The following ATP8A2 variants were observed in gnomAD, a reference collection of about 807,000 sequenced individuals.
ATP8A2 encodes phospholipid-transporting ATPase IB.
Under a neutral mutation model 165.6 loss-of-function variants are expected in ATP8A2, and 100 were observed. The ratio of observed to expected loss-of-function variants is 0.60; its 90% CI spans 0.51 to 0.71. The LOEUF is 0.71. Among genes scored for constraint, ATP8A2 ranks in the 30% least tolerant of loss-of-function variants. The pLI is 0.00. For missense variants in ATP8A2, 1,227 were observed against 1,479.5 expected, an observed-to-expected ratio of 0.83 and a Z score of 2.80; for synonymous variants, 543 against 548.8, an observed-to-expected ratio of 0.99 and a Z score of 0.15.
chr13:25,837,368 A>G, intron 29 of ATP8A2, 83 bp downstream of exon 29: 3 of 1,508,058 alleles, frequency 2.0e-6, no homozygotes, highest in Non-Finnish European at 2.7e-6. Flanking sequence ...AGATAGTTGA[A>G]GCTTGAGAAA....
intron 1 of ATP8A2, among the ~76,000 whole-genome samples, chr13:25,379,275 GA>G (rs2032751168): frequency 6.6e-6 from 1 of 152,170 alleles, no homozygotes; most frequent in Non-Finnish European, 1.5e-5. Flanking sequence ...AGGATCCCAG[GA>G]TTACTGTAAA....
intron 15 of ATP8A2, among the ~76,000 whole-genome samples, chr13:25,563,663 A>T (rs1169967815): frequency 4.6e-5 from 7 of 152,124 alleles, no homozygotes; most frequent in Non-Finnish European, 1.5e-5. Context: ...GGCCAACTGA[A>T]ATGCCAGCCA....
At chr13:25,478,147 T>G (rs2036047079) in intron 2 of ATP8A2, among the ~76,000 whole-genome samples, 1 of 151,948 alleles carries the variant, frequency 6.6e-6, no homozygotes, top group African/African-American at 2.4e-5. Flanking sequence ...TTGTGATGAG[T>G]AGATGGGAAA....
chr13:25,989,530 T>G (rs760507063), intron 35 of ATP8A2, among the ~76,000 whole-genome samples: 38 of 152,342 alleles, frequency 2.5e-4, no homozygotes, highest in Non-Finnish European at 5.6e-4. Context: ...CCAGTCACAT[T>G]TAATTTTCAG....
At chr13:25,804,739 C>G (rs1273961597) in intron 27 of ATP8A2, among the ~76,000 whole-genome samples, 1 of 152,082 alleles carries the variant, frequency 6.6e-6, no homozygotes, top group African/African-American at 2.4e-5. Flanking sequence ...ATTCTGGGTG[C>G]CGAGCTGCCA....
intron 27 of ATP8A2, among the ~76,000 whole-genome samples, chr13:25,806,717 T>A (rs931108989): frequency 2.0e-5 from 3 of 152,186 alleles, no homozygotes; most frequent in African/African-American, 7.2e-5. Context: ...TGAGTCATAA[T>A]GATAACGCTA....
chr13:25,888,732 G>A (rs1953253207), intron 33 of ATP8A2, among the ~76,000 whole-genome samples: 1 of 152,172 alleles, frequency 6.6e-6, no homozygotes, highest in Admixed American at 6.5e-5. Flanking sequence ...GGTGGCGCAT[G>A]TCTGTAATTC....
rs137935345 is a variant in ATP8A2 at position 25,835,094 on chromosome 13, TAGA to T, written c.2755-2066_2755-2064del. ...GGGCAGGGGAGAATCTGAAGATGGG[TAGA>T]AGGAGAAGCTCAAGTTTAAAAAAAG... On this transcript the variant is annotated intron_variant, in intron 28 of 36. Transcript: ENST00000381655. Among the ~76,000 whole-genome samples the T allele has an allele frequency of 6.3e-3, 950 of 151,560 alleles. 8 individuals carry two copies. The highest frequency in any genetic ancestry group is 0.022 in the African/African-American group (890 of 41,246).
chr13:25,835,360 T>G (rs1951578851), intron 28 of ATP8A2, among the ~76,000 whole-genome samples: 1 of 152,134 alleles, frequency 6.6e-6, no homozygotes. Flanking sequence ...TGCTTTCCAT[T>G]CTGCTGTGGA....
chr13:25,772,788 A>T (rs111242652), intron 26 of ATP8A2, among the ~76,000 whole-genome samples: 4,148 of 151,742 alleles, frequency 0.027, 173 homozygotes, highest in African/African-American at 0.095. Flanking sequence ...AGTTTCACTC[A>T]TGTTGCCCAG....
chr13:25,688,089 G>A (rs928490563), intron 24 of ATP8A2, among the ~76,000 whole-genome samples: 13 of 151,868 alleles, frequency 8.6e-5, no homozygotes, highest in Admixed American at 3.9e-4. Context: ...CCAGACATGC[G>A]GTGATCTTTG....
chr13:25,935,698 A>G (rs1008165449), intron 33 of ATP8A2, among the ~76,000 whole-genome samples: 4 of 152,130 alleles, frequency 2.6e-5, no homozygotes, highest in African/African-American at 4.8e-5. Context: ...ACTCCTTACC[A>G]TGGAGAGGGC....
intron 35 of ATP8A2, among the ~76,000 whole-genome samples, chr13:25,978,501 TG>T (rs1956108999): frequency 1.3e-5 from 2 of 152,212 alleles, no homozygotes; most frequent in African/African-American, 4.8e-5. Flanking sequence ...CATTTCTCAA[TG>T]AGCCTCTCCC....
At chr13:25,449,798 G>C (rs1237599757) in intron 1 of ATP8A2, among the ~76,000 whole-genome samples, 1 of 152,102 alleles carries the variant, frequency 6.6e-6, no homozygotes, top group East Asian at 1.9e-4. Flanking sequence ...GATGAAATGT[G>C]CTTTTTTGCC....
intron 27 of ATP8A2, among the ~76,000 whole-genome samples, chr13:25,779,692 T>A (rs1376977061): frequency 6.6e-6 from 1 of 152,224 alleles, no homozygotes; most frequent in Non-Finnish European, 1.5e-5. Flanking sequence ...TTTTGTAGTT[T>A]TAAGCCTGGG....
chr13:25,800,397 GA>G (rs2138450970), intron 27 of ATP8A2, among the ~76,000 whole-genome samples: 1 of 152,278 alleles, frequency 6.6e-6, no homozygotes, highest in East Asian at 1.9e-4. Flanking sequence ...GATCAGTCCT[GA>G]AAAGTCAACC....
At chr13:25,505,450 T>G (rs1222862184) in intron 2 of ATP8A2, among the ~76,000 whole-genome samples, 3 of 152,266 alleles carry the variant, frequency 2.0e-5, no homozygotes, top group Non-Finnish European at 4.4e-5. Flanking sequence ...ACAACTGTTA[T>G]ACGTGTTAAA....
chr13:25,537,637 G>C (rs934305213), intron 6 of ATP8A2, among the ~76,000 whole-genome samples: 3 of 152,138 alleles, frequency 2.0e-5, no homozygotes, highest in South Asian at 4.1e-4. Flanking sequence ...TGGTGTGTGC[G>C]TGACCGTTCT....
chr13:25,425,113 C>T (rs1197349054), intron 1 of ATP8A2, among the ~76,000 whole-genome samples: 3 of 152,148 alleles, frequency 2.0e-5, no homozygotes, highest in African/African-American at 4.8e-5. Flanking sequence ...TGGCACATCA[C>T]TTAAAAATGA....
Sources: allele counts gnomAD v4.1 joint callset (sites outside exome capture counted in the v4.1 genomes callset), GRCh38; gene constraint gnomAD v4.1.1; transcripts MANE v1.5; gene names NCBI Gene and HGNC (gene_info 2026-07-23, HGNC 2026-07-21).